C6: variants seen among roughly 807,000 people sequenced by gnomAD.
C6 encodes the protein complement component C6.
A neutral mutation model predicts 112.9 loss-of-function variants in C6; 101 were observed. The observed-to-expected ratio is 0.89, with a 90% CI of 0.76 to 1.06. The LOEUF (loss-of-function observed/expected upper bound fraction) is 1.06. Among genes scored for constraint, C6 ranks in the 50% least tolerant of loss-of-function variants. The pLI is 0.00. For synonymous variants in C6, 431 were observed against 384.1 expected, an observed-to-expected ratio of 1.12 and a Z score of -1.43; for missense variants, 1,202 against 1,104.6, an observed-to-expected ratio of 1.09 and a Z score of -1.25.
chr5:41,226,637 C>A (rs996220922), intron 1 of C6, among the ~76,000 whole-genome samples: 12 of 152,126 alleles, frequency 7.9e-5, no homozygotes, highest in African/African-American at 2.4e-4. Context: ...CCCCTGCTAA[C>A]CACCATTCTA....
In C6 at chr5:41,162,358, C is replaced by G. The variant is rs538807807; in HGVS notation, c.1292-499G>C. ...TGGCTTCTGATAGCCAGTCAATTGA[C>G]TGTCATGGTGAAACTTCCAATTACA... On this transcript the variant is annotated intron_variant, in intron 9 of 17. Transcript: ENST00000337836. Among the ~76,000 whole-genome samples the G allele has an allele frequency of 2.0e-5, 3 of 152,188 alleles. No homozygotes were observed. In the South Asian group the frequency reaches 6.2e-4, roughly 32 times the overall value.
chr5:41,174,398 G>A (rs1748675390), intron 8 of C6, among the ~76,000 whole-genome samples: 1 of 152,210 alleles, frequency 6.6e-6, no homozygotes, highest in African/African-American at 2.4e-5. Flanking sequence ...GTAAAAGACA[G>A]GAGTGTTAGT....
intron 9 of C6, among the ~76,000 whole-genome samples, chr5:41,163,035 T>G (rs1378276765): frequency 6.6e-6 from 1 of 152,098 alleles, no homozygotes; most frequent in African/African-American, 2.4e-5. Flanking sequence ...GTGAGGGGCA[T>G]GGGATCCTGA....
chr5:41,174,742 C>CA (rs1748699454), intron 8 of C6, among the ~76,000 whole-genome samples: 1 of 152,016 alleles, frequency 6.6e-6, no homozygotes, highest in Non-Finnish European at 1.5e-5. Context: ...CAAAAATTAA[C>CA]AACAGGGGAT....
intron 17 of C6, among the ~76,000 whole-genome samples, chr5:41,148,400 A>G (rs7718610): frequency 0.86 from 131,626 of 152,170 alleles, 57,031 homozygotes; most frequent in Admixed American, 0.9. Context: ...TGTAGTATAT[A>G]CGGGGCCACT....
upstream of C6, among the ~76,000 whole-genome samples, chr5:41,214,302 A>G (rs1158361661): frequency 6.6e-6 from 1 of 152,164 alleles, no homozygotes; most frequent in African/African-American, 2.4e-5. Flanking sequence ...GTAGAAAACA[A>G]CTAAAACAAA....
intron 13 of C6, among the ~76,000 whole-genome samples, chr5:41,156,800 G>T (rs529815762): frequency 6.6e-6 from 1 of 152,158 alleles, no homozygotes; most frequent in Admixed American, 6.5e-5. Flanking sequence ...ATTTTTTCTT[G>T]CATTTCTTCT....
chr5:41,260,622 A>C (rs1365765765), intron 1 of C6, among the ~76,000 whole-genome samples: 2 of 151,910 alleles, frequency 1.3e-5, no homozygotes, highest in Non-Finnish European at 2.9e-5. Flanking sequence ...ATACAAAAAA[A>C]AATTAGGTGG....
chr5:41,203,366 T>C, intron 1 of C6, 116 bp from the exon 2 acceptor site: 1 of 1,048,124 alleles, frequency 9.5e-7, no homozygotes, highest in East Asian at 2.5e-5. Flanking sequence ...TTTTTCTGCC[T>C]TCCTTAAGGC....
intron 1 of C6, among the ~76,000 whole-genome samples, chr5:41,244,819 CT>C (rs1554037031): frequency 6.6e-6 from 1 of 151,996 alleles, no homozygotes; most frequent in Non-Finnish European, 1.5e-5. Flanking sequence ...ATTACCTTAT[CT>C]TCTTAATTTT....
chr5:41,173,159 C>T (rs541102878), intron 8 of C6, among the ~76,000 whole-genome samples: 2 of 152,308 alleles, frequency 1.3e-5, no homozygotes, highest in Admixed American at 6.5e-5. Context: ...CCTAGTTTCT[C>T]ACTGCTGCTT....
At position 41,201,717 on chromosome 5, in the gene C6, G is replaced by C; in HGVS notation, c.144-3C>G. On this transcript the variant is annotated splice_region_variant and splice_polypyrimidine_tract_variant and intron_variant, in intron 2 of 17. Coordinates refer to ENST00000337836, the MANE Select transcript of C6 (RefSeq NM_000065.5). ...AGTACTTATCTACTACTATTTGTCTGTAACCATGAAGAAGAAGTTGCTTAG... is the reference window on the plus strand; with the variant it reads ...AGTACTTATCTACTACTATTTGTCTCTAACCATGAAGAAGAAGTTGCTTAG... 1 of 1,612,940 alleles carries C rather than the reference G, an allele frequency of 6.2e-7. No individual in the cohort carries two copies. The highest frequency in any genetic ancestry group is 8.5e-7 in the Non-Finnish European group (1 of 1,179,262).
chr5:41,243,567 A>G (rs16871053), intron 1 of C6, among the ~76,000 whole-genome samples: 3,862 of 152,270 alleles, frequency 0.025, 162 homozygotes, highest in African/African-American at 0.088. Flanking sequence ...TTTGGGAACA[A>G]TGAGACTAGT....
intron 1 of C6, among the ~76,000 whole-genome samples, chr5:41,258,004 T>A (rs1433715844): frequency 6.6e-6 from 1 of 152,102 alleles, no homozygotes; most frequent in Non-Finnish European, 1.5e-5. Context: ...AATTAACTCA[T>A]TTTTTTCTAC....
chr5:41,212,226 A>G (rs1033095917), intron 1 of C6, among the ~76,000 whole-genome samples: 1 of 152,106 alleles, frequency 6.6e-6, no homozygotes, highest in African/African-American at 2.4e-5. Flanking sequence ...CAGTGGCAGG[A>G]TCTCAGCTCA....
chr5:41,229,712 C>T (rs2150411900), intron 1 of C6, among the ~76,000 whole-genome samples: 1 of 152,216 alleles, frequency 6.6e-6, no homozygotes, highest in Admixed American at 6.6e-5. Context: ...TAGTGTTATT[C>T]AAATCTTCGG....
At chr5:41,206,397 C>A (rs942983652) in intron 1 of C6, among the ~76,000 whole-genome samples, 4 of 152,218 alleles carry the variant, frequency 2.6e-5, no homozygotes, top group Admixed American at 1.3e-4. Context: ...GAGAAGAAGG[C>A]TTCAGACGAT....
upstream of C6, among the ~76,000 whole-genome samples, chr5:41,215,488 A>T (rs1752167222): frequency 6.6e-6 from 1 of 152,126 alleles, no homozygotes; most frequent in African/African-American, 2.4e-5. Context: ...CAATATTTAG[A>T]TGTGTGCTGC....
intron 12 of C6, 53 bp downstream of exon 12, chr5:41,159,029 G>A (rs1747206742): frequency 3.9e-6 from 6 of 1,531,032 alleles, no homozygotes; most frequent in African/African-American, 1.4e-5. Flanking sequence ...AACTCTCAAT[G>A]TTATTGAGAG....
Sources: gnomAD v4.1 joint callset for allele counts (sites outside exome capture counted in the v4.1 genomes callset) on GRCh38, gnomAD v4.1.1 for gene constraint, MANE v1.5 for transcripts, NCBI Gene and HGNC (gene_info 2026-07-23, HGNC 2026-07-21) for gene names.